MEGF11: variants seen among roughly 807,000 people sequenced by gnomAD.
The protein encoded by MEGF11 is multiple epidermal growth factor-like domains protein 11.
In MEGF11, 126 loss-of-function variants were observed where a neutral mutation model predicts 146.6. The observed-to-expected ratio is 0.86, with a 90% CI of 0.74 to 1.00. MEGF11 has a LOEUF of 1.00. Ranked by LOEUF, MEGF11 falls within the 50% of genes least tolerant of loss-of-function variation. MEGF11 has a pLI of 0.00. For missense variants in MEGF11, 1,509 were observed against 1,521.2 expected (o/e 0.99, Z 0.13); for synonymous variants, 532 against 583.4 (o/e 0.91, Z 1.27).
At chr15:66,113,385 AAGG>A (rs1222533196) in intron 4 of MEGF11, among the ~76,000 whole-genome samples, 1 of 152,202 alleles carries the variant, frequency 6.6e-6, no homozygotes. Context: ...CCACCACTGA[AAGG>A]GCCAGAAGAT....
intron 1 of MEGF11, among the ~76,000 whole-genome samples, chr15:66,143,695 T>C (rs1312263720): frequency 6.6e-6 from 1 of 152,208 alleles, no homozygotes; most frequent in Non-Finnish European, 1.5e-5. Context: ...CCTGATCCTA[T>C]TCTATTCTCT....
At chr15:66,022,232 C>T (rs545607179) in intron 5 of MEGF11, among the ~76,000 whole-genome samples, 65 of 152,318 alleles carry the variant, frequency 4.3e-4, no homozygotes, top group African/African-American at 1.5e-3. Context: ...GGTCTGCTGG[C>T]GATTCCATCA....
intron 7 of MEGF11, among the ~76,000 whole-genome samples, chr15:65,980,395 C>CTTTT (rs60154748): frequency 0.025 from 2,185 of 88,146 alleles, 55 homozygotes; most frequent in African/African-American, 0.037. Flanking sequence ...AAGAATTCAG[C>CTTTT]TTTTTTTTTT....
At chr15:65,985,418 A>C (rs552830792) in intron 5 of MEGF11, among the ~76,000 whole-genome samples, 1 of 152,158 alleles carries the variant, frequency 6.6e-6, no homozygotes, top group African/African-American at 2.4e-5. Flanking sequence ...CGTCACTGTG[A>C]ACCACCACAG....
chr15:65,964,950 C>G lies in MEGF11; in HGVS notation c.1070G>C (p.Gly357Ala). ...RLCPEGLHGP[G>A]CTLPCPCDAD... The stretch of plus-strand genomic sequence containing the variant: ...GTCACAGGGGCAGGGCAGGGTGCAG[C>G]CTGGGCCATGCAGGCCCTCCGGGCA... The change falls in exon 9 of 26, where the codon GGC (glycine) becomes GCC (alanine). Residue 357 changes from glycine to alanine, a missense_variant. Gly to Ala is a moderately conservative substitution (Grantham distance 60, BLOSUM62 0). Coordinates refer to ENST00000395614, the MANE Select transcript of MEGF11 (RefSeq NM_001385028.1). The G allele has an allele frequency of 6.3e-7, 1 of 1,575,840 alleles. No individual in the cohort carries two copies. The highest frequency in any genetic ancestry group is 8.6e-7 in the Non-Finnish European group (1 of 1,161,318).
At chr15:65,975,851 C>A (rs765183681) in intron 7 of MEGF11, among the ~76,000 whole-genome samples, 1 of 152,060 alleles carries the variant, frequency 6.6e-6, no homozygotes, top group Non-Finnish European at 1.5e-5. Context: ...ATGGTGGGAG[C>A]CCCATATATC....
Position 66,002,754 on chromosome 15 carries a change from C to T in MEGF11, c.395-20266G>A, listed in dbSNP as rs551301070. Among the ~76,000 whole-genome samples the T allele has an allele frequency of 4.6e-5, 7 of 151,992 alleles. No individual in the cohort carries two copies. In the South Asian group the frequency reaches 6.2e-4, roughly 14 times the overall value. On this transcript the variant is annotated intron_variant, in intron 5 of 25. Transcript: ENST00000395614. ...AAGGACCAGGGCTGAGCAGGCTGTT[C>T]GCAGACCTCAGAGTCAAGAGTCCCA...
At chr15:66,069,486 C>T (rs886089982) in intron 5 of MEGF11, among the ~76,000 whole-genome samples, 16 of 152,304 alleles carry the variant, frequency 1.1e-4, no homozygotes, top group African/African-American at 3.6e-4. Context: ...AAAGAAGGTA[C>T]TGTTAGCTCC....
intron 1 of MEGF11, among the ~76,000 whole-genome samples, chr15:66,203,146 T>C (rs2091211655): frequency 6.6e-6 from 1 of 151,826 alleles, no homozygotes; most frequent in Non-Finnish European, 1.5e-5. Flanking sequence ...ACCCCAGCAA[T>C]CCCAAAGCAC....
intron 5 of MEGF11, among the ~76,000 whole-genome samples, chr15:66,039,673 C>A (rs1312944579): frequency 6.6e-6 from 1 of 152,182 alleles, no homozygotes; most frequent in Non-Finnish European, 1.5e-5. Context: ...GGACTACATC[C>A]TCTAGGAAGC....
chr15:66,111,023 C>T (rs2140857472), intron 4 of MEGF11, among the ~76,000 whole-genome samples: 1 of 152,268 alleles, frequency 6.6e-6, no homozygotes, highest in Admixed American at 6.5e-5. Flanking sequence ...AGAGAAAACC[C>T]ACTGTAGGAG....
chr15:66,138,898 A>T (rs2089016429), intron 1 of MEGF11, among the ~76,000 whole-genome samples: 1 of 152,130 alleles, frequency 6.6e-6, no homozygotes, highest in African/African-American at 2.4e-5. Flanking sequence ...TGCAGTACAG[A>T]TACTACTGGG....
At chr15:66,149,116 A>T (rs114803547) in intron 1 of MEGF11, among the ~76,000 whole-genome samples, 1,986 of 152,144 alleles carry the variant, frequency 0.013, 43 homozygotes, top group African/African-American at 0.045. Flanking sequence ...CCACTCAATG[A>T]TCCTTTCTGG....
chr15:65,968,567 C>T (rs773457261), intron 8 of MEGF11, among the ~76,000 whole-genome samples: 4 of 150,080 alleles, frequency 2.7e-5, no homozygotes, highest in Non-Finnish European at 4.4e-5. Context: ...TAATCAGCCT[C>T]TTTTTTTTTT....
chr15:66,057,030 A>G (rs2084701967), intron 5 of MEGF11, among the ~76,000 whole-genome samples: 1 of 152,244 alleles, frequency 6.6e-6, no homozygotes, highest in African/African-American at 2.4e-5. Context: ...CTGCAAAATA[A>G]AGATTTTGGG....
intron 5 of MEGF11, among the ~76,000 whole-genome samples, chr15:66,082,672 C>CTAAAAAAAA (rs2085939468): frequency 2.6e-5 from 1 of 39,144 alleles, no homozygotes; most frequent in African/African-American, 1.1e-4. Context: ...GACTCTGTCT[C>CTAAAAAAAA]AAAAAAAAAA....
intron 5 of MEGF11, among the ~76,000 whole-genome samples, chr15:66,032,247 T>A (rs750339548): frequency 2.0e-5 from 3 of 152,176 alleles, no homozygotes; most frequent in Admixed American, 6.5e-5. Context: ...TAAATAAACC[T>A]CTATTTTAAA....
intron 10 of MEGF11, among the ~76,000 whole-genome samples, chr15:65,949,767 A>T (rs140276682): frequency 6.6e-4 from 101 of 152,360 alleles, no homozygotes; most frequent in African/African-American, 2.4e-3. Context: ...CCTCACAGAC[A>T]GTTCACTGCA....
intron 5 of MEGF11, among the ~76,000 whole-genome samples, chr15:66,092,908 G>GT (rs2140663490): frequency 6.6e-6 from 1 of 152,338 alleles, no homozygotes; most frequent in East Asian, 1.9e-4. Context: ...AAGATTCCTT[G>GT]TAAGCCAAGT....
Sources: allele counts gnomAD v4.1 joint callset (sites outside exome capture counted in the v4.1 genomes callset), GRCh38; gene constraint gnomAD v4.1.1; transcripts MANE v1.5; gene names NCBI Gene and HGNC (gene_info 2026-07-23, HGNC 2026-07-21).